Variants in EIF4E observed in about 807,000 individuals in gnomAD.
EIF4E encodes eIF-4F 25 kDa subunit.
For missense variants in EIF4E, 113 were observed against 265.6 expected, an observed-to-expected ratio of 0.43 and a Z score of 3.99; for synonymous variants, 71 against 88.5, an observed-to-expected ratio of 0.80 and a Z score of 1.11.
chr4:98,882,410 A>G (rs1382538300), intron 6 of EIF4E, among the ~76,000 whole-genome samples: 6 of 151,416 alleles, frequency 4.0e-5, no homozygotes, highest in Admixed American at 3.9e-4. Context: ...AAAAAAAAAA[A>G]AAAAGAAAAA....
chr4:98,927,418 G>A (rs1725919432), intron 1 of EIF4E, among the ~76,000 whole-genome samples: 1 of 152,080 alleles, frequency 6.6e-6, no homozygotes, highest in African/African-American at 2.4e-5. Context: ...CACTTTGGGA[G>A]GCTGAGGCGG....
At chr4:98,909,581 A>T in intron 1 of EIF4E, 1 of 675,540 alleles carries the variant, frequency 1.5e-6, no homozygotes, top group South Asian at 1.7e-5. Flanking sequence ...TGTTCTTTAT[A>T]TTCCTCAGCT....
chr4:98,915,256 C>T lies in EIF4E; in HGVS notation c.19-13274G>A, dbSNP rs76231641. ...CATGAGCTACGCACACAAACCCGGC[C>T]GAAAATTAAGTATTTAAAAGGGAAA... On this transcript the variant is annotated intron_variant, in intron 1 of 6. Transcript: ENST00000450253. 4.2e-3 allele frequency among the ~76,000 whole-genome samples: 623 copies of T among 149,924 alleles called. 4 individuals carry two copies. Among genetic ancestry groups the T allele is most frequent in the African/African-American group, 0.015 (594 of 40,720 alleles).
intron 2 of EIF4E, among the ~76,000 whole-genome samples, chr4:98,898,683 T>G (rs1724521327): frequency 6.6e-6 from 1 of 152,202 alleles, no homozygotes; most frequent in Non-Finnish European, 1.5e-5. Flanking sequence ...GTGATAGATT[T>G]TCTAAACGAA....
chr4:98,896,669 A>C (rs1724421379), intron 2 of EIF4E, among the ~76,000 whole-genome samples: 1 of 34,074 alleles, frequency 2.9e-5, no homozygotes, highest in African/African-American at 6.5e-4. Context: ...GTCTCTTCCA[A>C]AAAAAAAAAA....
At chr4:98,920,584 T>C (rs1725599079) in intron 1 of EIF4E, among the ~76,000 whole-genome samples, 1 of 152,122 alleles carries the variant, frequency 6.6e-6, no homozygotes, top group African/African-American at 2.4e-5. Flanking sequence ...CATGAACCAC[T>C]GTGCCTGGCC....
intron 2 of EIF4E, 106 bp from the exon 3 acceptor site, chr4:98,891,438 C>A (rs1287861099): frequency 8.7e-6 from 8 of 915,242 alleles, no homozygotes; most frequent in Non-Finnish European, 8.7e-6. Flanking sequence ...TGTCCATCAA[C>A]AGATGAATGA....
rs1317321059 is a variant in EIF4E at position 98,929,083 on chromosome 4, G to C, written c.18+12C>G. 1 of 1,583,994 alleles carries C rather than the reference G, an allele frequency of 6.3e-7. No homozygotes were observed. The highest frequency in any genetic ancestry group is 8.6e-7 in the Non-Finnish European group (1 of 1,164,748). Reference sequence around the variant, plus strand: ...GGGACCCGTGGGGGTGGGGGCCAAAGGCAATACTCACCGGTTCGACAGTCG... The same window carrying C: ...GGGACCCGTGGGGGTGGGGGCCAAACGCAATACTCACCGGTTCGACAGTCG... On this transcript the variant is annotated intron_variant, in intron 1 of 6. Coordinates refer to ENST00000450253, the MANE Select transcript of EIF4E (RefSeq NM_001968.5).
At chr4:98,896,195 C>CAATACAATAA (rs1724375943) in intron 2 of EIF4E, among the ~76,000 whole-genome samples, 1 of 134,972 alleles carries the variant, frequency 7.4e-6, no homozygotes, top group African/African-American at 3.9e-5. Context: ...GCTCCATCTC[C>CAATACAATAA]AATAAAATAA....
At chr4:98,899,104 A>G (rs1361490340) in intron 2 of EIF4E, among the ~76,000 whole-genome samples, 1 of 152,026 alleles carries the variant, frequency 6.6e-6, no homozygotes, top group East Asian at 1.9e-4. Flanking sequence ...AAGACAAATG[A>G]TATGGATAAC....
In EIF4E at chr4:98,891,326, T is replaced by C. The variant is rs1382708693; in HGVS notation, c.132A>G (p.Ala44=). 1 of 1,612,086 alleles carries C rather than the reference T, an allele frequency of 6.2e-7. No individual in the cohort carries two copies. Among genetic ancestry groups the C allele is most frequent in the Non-Finnish European group, 8.5e-7 (1 of 1,179,504 alleles). ...YIKHPLQNRW[A]LWFFKNDKSK... The stretch of plus-strand genomic sequence containing the variant: ...TTTTATCATTTTTAAAAAACCAGAG[T>C]GCCCATCTAAAAATAAAAAATCAGT... Residue 44 remains alanine (A), a synonymous_variant, in exon 3 of 7, where the codon GCA becomes GCG. Coordinates refer to ENST00000450253, the MANE Select transcript of EIF4E (RefSeq NM_001968.5).
intron 2 of EIF4E, among the ~76,000 whole-genome samples, chr4:98,891,898 T>C (rs1308783509): frequency 6.6e-6 from 1 of 152,236 alleles, no homozygotes; most frequent in Non-Finnish European, 1.5e-5. Flanking sequence ...AAGATATGTA[T>C]GTTATGTCTA....
Position 98,887,268 on chromosome 4 carries a change from A to G in EIF4E, c.286-76T>C. 2.8e-6 allele frequency: 4 copies of G among 1,428,834 alleles called. No individual in the cohort carries two copies. The South Asian group carries it at 4.6e-5, about 16-fold the overall frequency. 88.5% of individuals were successfully genotyped at this position (1,428,834 alleles called of 1,614,324 possible). ...GAGAGATAATCATTAGAAACAGTTA[A>G]GCAACAACACTGTCAACTTCTTACT... On this transcript the variant is annotated intron_variant, in intron 4 of 6. Transcript: ENST00000450253. This position sits in a 1 kb window ranked among gnomAD's most constrained non-coding sequence, Gnocchi z 4.0.
rs1723665141 is a variant in EIF4E, at chr4:98,880,971, T to TCCCAAATCTCGATTGCTTGA, written c.*37_*56dup. ...CTTTTTGAAGAGGCTTTGGTTCAGC[T>TCCCAAATCTCGATTGCTTGA]CCCAAATCTCGATTGCTTGACGCAG... is the stretch of plus-strand genomic sequence containing the variant. On this transcript the variant is annotated 3_prime_UTR_variant, in exon 7 of 7. Transcript: ENST00000450253. The TCCCAAATCTCGATTGCTTGA allele has an allele frequency of 5.8e-6, 9 of 1,548,944 alleles. No homozygotes were observed. In the Admixed American group the frequency reaches 1.5e-4, roughly 25 times the overall value.
rs182607252 is a variant in EIF4E at position 98,901,066 on chromosome 4, C to G, written c.125+810G>C. Reference sequence around the variant, plus strand: ...TAAAAAACTTTTTCCCAAGTCAGCACGGACTTTTTTAAAAGTGTTCAATCC... The same window carrying G: ...TAAAAAACTTTTTCCCAAGTCAGCAGGGACTTTTTTAAAAGTGTTCAATCC... On this transcript the variant is annotated intron_variant, in intron 2 of 6. Coordinates refer to ENST00000450253, the MANE Select transcript of EIF4E (RefSeq NM_001968.5). Among the ~76,000 whole-genome samples the G allele has an allele frequency of 5.9e-4, 90 of 152,304 alleles. 1 individual carries two copies. The highest frequency in any genetic ancestry group is 1.1e-3 in the Non-Finnish European group (76 of 68,028).
In EIF4E at chr4:98,929,077, G is replaced by A. The variant is rs761310570; in HGVS notation, c.18+18C>T. 11 of 1,581,116 alleles carry A rather than the reference G, an allele frequency of 7.0e-6. No individual in the cohort carries two copies. The highest frequency in any genetic ancestry group is 4.3e-6 in the Non-Finnish European group (5 of 1,162,976). ...AGCGCGGGGACCCGTGGGGGTGGGG[G>A]CCAAAGGCAATACTCACCGGTTCGA... On this transcript the variant is annotated intron_variant, in intron 1 of 6. Coordinates refer to ENST00000450253, the MANE Select transcript of EIF4E (RefSeq NM_001968.5).
intron 1 of EIF4E, chr4:98,903,328 A>C: frequency 2.4e-6 from 1 of 418,834 alleles, no homozygotes; most frequent in Non-Finnish European, 4.6e-6. Context: ...GCAGAGCAGA[A>C]AGGTGGTAAA....
intron 1 of EIF4E, among the ~76,000 whole-genome samples, chr4:98,918,871 A>G (rs1241619195): frequency 1.3e-5 from 2 of 152,234 alleles, no homozygotes; most frequent in Non-Finnish European, 2.9e-5. Context: ...ACAAATCTCT[A>G]TTAAAAGTTA....
At chr4:98,921,763 C>G (rs1002771406) in intron 1 of EIF4E, among the ~76,000 whole-genome samples, 2 of 152,080 alleles carry the variant, frequency 1.3e-5, no homozygotes, top group Non-Finnish European at 1.5e-5. Context: ...TAGAATAAAT[C>G]CAAAATTCAC....
Sources: gnomAD v4.1 joint callset for allele counts (sites outside exome capture counted in the v4.1 genomes callset) on GRCh38, gnomAD v4.1.1 for gene constraint, Gnocchi (gnomAD v3.1) non-coding constraint, MANE v1.5 for transcripts, NCBI Gene and HGNC (gene_info 2026-07-23, HGNC 2026-07-21) for gene names.